Variants in KLRG1 observed in about 807,000 individuals in gnomAD.
The protein encoded by KLRG1 is killer cell lectin-like receptor subfamily G member 1.
KLRG1 carries 16 observed loss-of-function variants against 21.8 expected under a neutral mutation model. The ratio of observed to expected loss-of-function variants is 0.73; its 90% CI spans 0.50 to 1.11. The LOEUF (loss-of-function observed/expected upper bound fraction) is 1.11, where lower values mean the gene tolerates loss of function less well. KLRG1 is among the 50% of genes most tolerant of loss of function. KLRG1 has a pLI of 0.00. For synonymous variants in KLRG1, 69 were observed against 75.9 expected (o/e 0.91, Z 0.47); for missense variants, 173 against 218.3 (o/e 0.79, Z 1.31).
chr12:9,169,242 C>G, the KLRG1 span, among the ~76,000 whole-genome samples: 5 of 151,946 alleles, frequency 3.3e-5, no homozygotes, highest in African/African-American at 9.7e-5. Context: ...AGATCTAGCC[C>G]TGACTCACAT....
At chr12:9,202,769 T>G in the KLRG1 span, 2 of 1,304,798 alleles carry the variant, frequency 1.5e-6, no homozygotes, top group Non-Finnish European at 2.1e-6. Flanking sequence ...TTCCTATCTC[T>G]CCTTCAGCTT....
chr12:9,196,374 T>C, the KLRG1 span: 1 of 1,613,842 alleles, frequency 6.2e-7, no homozygotes, highest in South Asian at 1.1e-5. Context: ...GAATCCACTT[T>C]CACGAATTTG....
chr12:9,184,782 T>C, the KLRG1 span, among the ~76,000 whole-genome samples: 58 of 152,256 alleles, frequency 3.8e-4, no homozygotes, highest in African/African-American at 1.2e-3. Context: ...AGTTACAGCA[T>C]GCAATCCAGG....
chr12:9,118,827 T>C, the KLRG1 span, among the ~76,000 whole-genome samples: 7 of 152,206 alleles, frequency 4.6e-5, no homozygotes, highest in Non-Finnish European at 1.0e-4. Context: ...AGATCTGCTG[T>C]ACTTATAGAG....
At chr12:8,976,015 G>A (rs1946652333) in intron 1 of KLRG1, among the ~76,000 whole-genome samples, 1 of 151,174 alleles carries the variant, frequency 6.6e-6, no homozygotes, top group South Asian at 2.1e-4. Flanking sequence ...CTACCATTTG[G>A]CTTAATTTGT....
the KLRG1 span, among the ~76,000 whole-genome samples, chr12:9,189,836 G>A: frequency 6.6e-6 from 1 of 151,976 alleles, no homozygotes; most frequent in African/African-American, 2.4e-5. Context: ...GCAAAGGACA[G>A]GAATAAACAC....
chr12:9,109,735 G>C, the KLRG1 span: 1 of 842,796 alleles, frequency 1.2e-6, no homozygotes, highest in Non-Finnish European at 1.8e-6. Flanking sequence ...TTGGACTTAG[G>C]TGTAATTAAT....
At chr12:9,027,618 C>T in the KLRG1 span, 2 of 871,242 alleles carry the variant, frequency 2.3e-6, no homozygotes, top group Non-Finnish European at 3.9e-6. Flanking sequence ...TTGGCCTCCA[C>T]CACCACAGGG....
chr12:9,025,154 C>A, the KLRG1 span, among the ~76,000 whole-genome samples: 47,705 of 151,968 alleles, frequency 0.31, 7,549 homozygotes, highest in Admixed American at 0.38. Flanking sequence ...GCAGGCTGAT[C>A]ATACAAGGTA....
chr12:9,073,967 A>C, the KLRG1 span, among the ~76,000 whole-genome samples: 1 of 152,030 alleles, frequency 6.6e-6, no homozygotes, highest in East Asian at 1.9e-4. Flanking sequence ...ACATGACTGT[A>C]ATCCTAGATA....
chr12:9,163,864 TTA>T, the KLRG1 span: 65 of 1,484,988 alleles, frequency 4.4e-5, no homozygotes, highest in Middle Eastern at 5.3e-4. Context: ...CACCTTAAAC[TTA>T]TAGTTGTCCA....
At chr12:9,104,160 T>C in the KLRG1 span, 215 of 1,421,176 alleles carry the variant, frequency 1.5e-4, no homozygotes, top group African/African-American at 2.5e-3. Context: ...AGACACAGTT[T>C]GGAAATTTTC....
chr12:9,149,704 A>G, the KLRG1 span: 3 of 1,065,792 alleles, frequency 2.8e-6, 1 homozygote, highest in Middle Eastern at 2.2e-4. Context: ...AGCACGCCCT[A>G]TCAGAATTGT....
At chr12:9,108,775 C>CA in the KLRG1 span, among the ~76,000 whole-genome samples, 85,211 of 151,960 alleles carry the variant, frequency 0.56, 25,499 homozygotes, top group African/African-American at 0.76. Context: ...TCAGTCTCTT[C>CA]GTAAAAATGT....
chr12:9,203,337 C>CTTTTTT, the KLRG1 span, among the ~76,000 whole-genome samples: 3 of 114,588 alleles, frequency 2.6e-5, no homozygotes, highest in East Asian at 2.5e-4. Context: ...AACTACATTC[C>CTTTTTT]TTTTTTTTTT....
the KLRG1 span, chr12:9,196,753 C>G: frequency 4.4e-6 from 6 of 1,376,362 alleles, no homozygotes; most frequent in Admixed American, 6.9e-5. Context: ...ATCTACTATT[C>G]TGTCTCTAAT....
the KLRG1 span, chr12:9,192,364 C>A: frequency 7.6e-7 from 1 of 1,318,082 alleles, no homozygotes. Context: ...TGGAGAGAAT[C>A]AACCTCAAGA....
At chr12:8,997,514 A>G (rs749777747) in intron 3 of KLRG1, among the ~76,000 whole-genome samples, 34 of 152,230 alleles carry the variant, frequency 2.2e-4, no homozygotes, top group Non-Finnish European at 4.1e-4. Context: ...TAAAAATAAA[A>G]AAGAGAGCTC....
intron 1 of KLRG1, among the ~76,000 whole-genome samples, chr12:8,979,964 G>A (rs1383598409): frequency 2.0e-5 from 3 of 152,036 alleles, no homozygotes; most frequent in Non-Finnish European, 4.4e-5. Flanking sequence ...GCAGTAGTGC[G>A]ATCATGGCTC....
Sources: allele counts gnomAD v4.1 joint callset (sites outside exome capture counted in the v4.1 genomes callset), GRCh38; gene constraint gnomAD v4.1.1; transcripts MANE v1.5; gene names NCBI Gene and HGNC (gene_info 2026-07-23, HGNC 2026-07-21).